Variants in LTBP1 observed in about 807,000 individuals in gnomAD.
LTBP1 encodes latent-transforming growth factor beta-binding protein 1.
A neutral mutation model predicts 207.6 loss-of-function variants in LTBP1; 129 were observed. The observed-to-expected ratio is 0.62, with a 90% CI of 0.54 to 0.72. The LOEUF (loss-of-function observed/expected upper bound fraction) is 0.72. LTBP1 is among the 30% of genes least tolerant of loss of function. The pLI is 0.00. For synonymous variants in LTBP1, 963 were observed against 833.7 expected, an observed-to-expected ratio of 1.16 and a Z score of -2.67; for missense variants, 2,281 against 2,217.2, an observed-to-expected ratio of 1.03 and a Z score of -0.58.
chr2:32,999,444 G>C lies in LTBP1; in HGVS notation c.566-21465G>C, dbSNP rs906024897. 1.3e-4 allele frequency among the ~76,000 whole-genome samples: 10 copies of C among 79,460 alleles called. 1 individual carries two copies. The highest frequency in any genetic ancestry group is 3.0e-4 in the African/African-American group (8 of 26,860). The allele number at this position is 79,460 out of a possible 152,430, so 52.1% of individuals were successfully genotyped here. On this transcript the variant is annotated intron_variant, in intron 2 of 33. Coordinates refer to ENST00000404816, the MANE Select transcript of LTBP1 (RefSeq NM_206943.4). ...TCTAAGAGTTGGTGCCTAGATTGGA[G>C]CCCAATTTTCACACCTAAAGGATAA... is the stretch of plus-strand genomic sequence containing the variant.
chr2:32,969,229 T>TGTGTGTGTGTGTGTGTGTGTG (rs575035380), intron 2 of LTBP1, among the ~76,000 whole-genome samples: 1 of 131,614 alleles, frequency 7.6e-6, no homozygotes, highest in Non-Finnish European at 1.6e-5. Context: ...CCTGGCCAAT[T>TGTGTGTGTGTGTGTGTGTGTG]TGTGTGTGTG....
chr2:32,947,926 C>T, intron 1 of LTBP1, 108 bp downstream of exon 1: 1 of 1,008,080 alleles, frequency 9.9e-7, no homozygotes, highest in South Asian at 5.0e-5. Context: ...AGGGCGGTCG[C>T]GCGCGGTGGG....
chr2:33,183,694 C>CCTA (rs1347740223), intron 5 of LTBP1, among the ~76,000 whole-genome samples: 1 of 152,128 alleles, frequency 6.6e-6, no homozygotes, highest in Non-Finnish European at 1.5e-5. Flanking sequence ...GGCCTAGCTC[C>CCTA]CTTTGCTTTA....
At chr2:33,032,880 G>A (rs1165043370) in intron 3 of LTBP1, among the ~76,000 whole-genome samples, 1 of 152,160 alleles carries the variant, frequency 6.6e-6, no homozygotes, top group Non-Finnish European at 1.5e-5. Flanking sequence ...TTCATACCTA[G>A]TGAGGAAATG....
At chr2:33,348,186 A>G (rs1473454176) in intron 26 of LTBP1, among the ~76,000 whole-genome samples, 1 of 152,214 alleles carries the variant, frequency 6.6e-6, no homozygotes, top group Admixed American at 6.5e-5. Flanking sequence ...TTTGAGAGCC[A>G]AGTAAAATGA....
intron 26 of LTBP1, among the ~76,000 whole-genome samples, chr2:33,355,249 A>T (rs1181215441): frequency 2.0e-5 from 3 of 151,640 alleles, no homozygotes; most frequent in Non-Finnish European, 4.4e-5. Context: ...ATCTCAGTGT[A>T]CTATTCTCTC....
chr2:33,340,957 C>G (rs1573922016), intron 24 of LTBP1, among the ~76,000 whole-genome samples: 1 of 152,204 alleles, frequency 6.6e-6, no homozygotes, highest in African/African-American at 2.4e-5. Flanking sequence ...TCCCCCCAAA[C>G]TAAATTCTGT....
intron 3 of LTBP1, among the ~76,000 whole-genome samples, chr2:33,041,269 G>A (rs899359923): frequency 6.6e-6 from 1 of 152,020 alleles, no homozygotes; most frequent in African/African-American, 2.4e-5. Context: ...TACAGACTGT[G>A]TCTTTTCTTT....
chr2:33,301,525 T>C lies in LTBP1; in HGVS notation c.3362T>C (p.Ile1121Thr), dbSNP rs1371371658. The change falls in exon 22 of 34, where the codon ATT (isoleucine) becomes ACT (threonine). Residue 1121 changes from isoleucine (I) to threonine (T), a missense_variant. This residue lies in a region of LTBP1 where 1,671 missense variants were observed against 1,634.8 expected (regional missense o/e 1.02). Coordinates refer to ENST00000404816, the MANE Select transcript of LTBP1 (RefSeq NM_206943.4). ...LSAAKDQCED[I>T]DECQHRHLCA... ...CTTTGTATTCTCTTGCTCATAGACATTGATGAATGCCAGCACCGTCATCTC... is the reference window on the plus strand; with the variant it reads ...CTTTGTATTCTCTTGCTCATAGACACTGATGAATGCCAGCACCGTCATCTC... 1.9e-6 allele frequency: 3 copies of C among 1,592,776 alleles called. No individual in the cohort carries two copies. The highest frequency in any genetic ancestry group is 3.7e-5 in the Admixed American group (2 of 53,872).
At chr2:33,136,648 T>A (rs1223533976) in intron 5 of LTBP1, among the ~76,000 whole-genome samples, 3 of 152,188 alleles carry the variant, frequency 2.0e-5, no homozygotes, top group Non-Finnish European at 4.4e-5. Context: ...TTATTGTAAA[T>A]CTTTACAGTA....
intron 2 of LTBP1, among the ~76,000 whole-genome samples, chr2:32,984,708 G>C (rs1220612691): frequency 1.3e-5 from 2 of 151,596 alleles, no homozygotes; most frequent in Non-Finnish European, 2.9e-5. Flanking sequence ...ATCACCTGAG[G>C]TCAGGAGTTC....
chr2:33,054,085 G>A (rs1474869931), intron 3 of LTBP1, among the ~76,000 whole-genome samples: 4 of 152,164 alleles, frequency 2.6e-5, no homozygotes, highest in Non-Finnish European at 4.4e-5. Context: ...AAGGATCCTC[G>A]AAGTCCAGAA....
At chr2:33,020,030 CTGTT>C (rs1290281119) in intron 2 of LTBP1, among the ~76,000 whole-genome samples, 6 of 152,016 alleles carry the variant, frequency 3.9e-5, no homozygotes, top group African/African-American at 7.2e-5. Flanking sequence ...CTTTAAAACT[CTGTT>C]TGGTCAGGAG....
intron 4 of LTBP1, among the ~76,000 whole-genome samples, chr2:33,128,059 T>A (rs1197273853): frequency 6.6e-6 from 1 of 152,182 alleles, no homozygotes; most frequent in Non-Finnish European, 1.5e-5. Context: ...GTGGTAGAGA[T>A]AATTTGGGAC....
At chr2:33,051,858 C>G (rs1008893760) in intron 3 of LTBP1, among the ~76,000 whole-genome samples, 10 of 152,198 alleles carry the variant, frequency 6.6e-5, no homozygotes, top group Non-Finnish European at 7.3e-5. Flanking sequence ...CAACTCTCCC[C>G]AGGAAATGTA....
rs2083482963 is a variant in LTBP1, at chr2:33,151,056, C to T, written c.1201+16096C>T. On this transcript the variant is annotated intron_variant, in intron 5 of 33. Coordinates refer to ENST00000404816, the MANE Select transcript of LTBP1 (RefSeq NM_206943.4). The stretch of plus-strand genomic sequence containing the variant: ...CACCTGGTCTCACTTACTGTGTTTT[C>T]AAGGTTCATTCATACTGTAGCATGT... Among the ~76,000 whole-genome samples the T allele has an allele frequency of 2.6e-5, 4 of 152,046 alleles. No individual in the cohort carries two copies. In the South Asian group the frequency reaches 8.3e-4, roughly 32 times the overall value.
At chr2:33,325,672 A>T (rs967504111) in intron 24 of LTBP1, among the ~76,000 whole-genome samples, 1 of 152,258 alleles carries the variant, frequency 6.6e-6, no homozygotes, top group African/African-American at 2.4e-5. Flanking sequence ...TTTCACATTT[A>T]TCTTTTGTGA....
intron 5 of LTBP1, among the ~76,000 whole-genome samples, chr2:33,150,309 AG>A (rs1326943266): frequency 3.3e-5 from 5 of 152,184 alleles, no homozygotes; most frequent in African/African-American, 1.2e-4. Flanking sequence ...CTCGGTGTGT[AG>A]GGGGGTTATA....
At chr2:32,957,226 C>T (rs938928879) in intron 2 of LTBP1, among the ~76,000 whole-genome samples, 1 of 152,178 alleles carries the variant, frequency 6.6e-6, no homozygotes, top group African/African-American at 2.4e-5. Flanking sequence ...TTGACTTCTC[C>T]TCAGTTTTCT....
Sources: allele counts gnomAD v4.1 joint callset (sites outside exome capture counted in the v4.1 genomes callset), GRCh38; gene constraint gnomAD v4.1.1; regional missense constraint gnomAD v4.1.1; transcripts MANE v1.5; gene names NCBI Gene and HGNC (gene_info 2026-07-23, HGNC 2026-07-21).